The following NCOA2 variants were observed in gnomAD, a reference collection of about 807,000 sequenced individuals.
NCOA2 encodes nuclear receptor coactivator 2.
A neutral mutation model predicts 145.1 loss-of-function variants in NCOA2; 21 were observed. That is an observed-to-expected ratio of 0.14 (90% CI 0.10 to 0.21). The LOEUF (loss-of-function observed/expected upper bound fraction) is 0.21, where lower values mean the gene tolerates loss of function less well. Among genes scored for constraint, NCOA2 ranks in the 10% least tolerant of loss-of-function variants. The pLI is 1.00. For missense variants in NCOA2, 1,472 were observed against 1,837.6 expected (o/e 0.80, Z 3.64); for synonymous variants, 619 against 637.5 (o/e 0.97, Z 0.44).
At chr8:70,226,679 T>TAA (rs35596105) in intron 2 of NCOA2, among the ~76,000 whole-genome samples, 48 of 137,934 alleles carry the variant, frequency 3.5e-4, no homozygotes, top group South Asian at 4.5e-4. Context: ...TATATATATA[T>TAA]AAAACTATAC....
intron 1 of NCOA2, among the ~76,000 whole-genome samples, chr8:70,336,378 T>C (rs571315516): frequency 6.6e-6 from 1 of 152,348 alleles, no homozygotes; most frequent in Non-Finnish European, 1.5e-5. Context: ...TCCACCCATA[T>C]TGTAACATGT....
chr8:70,254,747 T>A (rs1038083313), intron 2 of NCOA2, among the ~76,000 whole-genome samples: 1 of 152,070 alleles, frequency 6.6e-6, no homozygotes, highest in Non-Finnish European at 1.5e-5. Flanking sequence ...GTAGAGTGTT[T>A]AACGGGTAAA....
At chr8:70,247,028 T>C (rs1822690728) in intron 2 of NCOA2, among the ~76,000 whole-genome samples, 1 of 152,122 alleles carries the variant, frequency 6.6e-6, no homozygotes, top group African/African-American at 2.4e-5. Flanking sequence ...TTCTCTAAGT[T>C]CTCAGAACTC....
intron 1 of NCOA2, among the ~76,000 whole-genome samples, chr8:70,391,231 G>T (rs777981431): frequency 1.2e-4 from 18 of 152,128 alleles, no homozygotes; most frequent in Non-Finnish European, 2.6e-4. Flanking sequence ...GGAAATTTTC[G>T]TCTCCATAAT....
At chr8:70,270,579 G>C (rs1023452741) in intron 2 of NCOA2, among the ~76,000 whole-genome samples, 1 of 151,980 alleles carries the variant, frequency 6.6e-6, no homozygotes, top group Admixed American at 6.5e-5. Context: ...GGGGTGGGGG[G>C]ATAGCAGGTA....
At chr8:70,230,271 G>A (rs893380714) in intron 2 of NCOA2, among the ~76,000 whole-genome samples, 8 of 152,168 alleles carry the variant, frequency 5.3e-5, no homozygotes, top group Non-Finnish European at 1.0e-4. Context: ...TCCAAAATAA[G>A]CAGATCCGTA....
chr8:70,306,143 T>C (rs555271918), intron 1 of NCOA2, among the ~76,000 whole-genome samples: 1 of 152,158 alleles, frequency 6.6e-6, no homozygotes, highest in Admixed American at 6.6e-5. Flanking sequence ...CTGGATCCTA[T>C]GGCAACAGTA....
intron 2 of NCOA2, among the ~76,000 whole-genome samples, chr8:70,265,535 T>C (rs1824496541): frequency 6.6e-6 from 1 of 152,238 alleles, no homozygotes. Context: ...AACACACTAA[T>C]AAGACACTAG....
chr8:70,382,056 G>A (rs1046800644), intron 1 of NCOA2, among the ~76,000 whole-genome samples: 3 of 152,170 alleles, frequency 2.0e-5, no homozygotes, highest in Non-Finnish European at 1.5e-5. Flanking sequence ...CACTATCCCA[G>A]GCTGCTGCTG....
chr8:70,225,031 G>A (rs930960218), intron 2 of NCOA2, among the ~76,000 whole-genome samples: 19 of 151,984 alleles, frequency 1.3e-4, no homozygotes, highest in African/African-American at 4.4e-4. Flanking sequence ...CTCAGACAGC[G>A]GCAGCAAGAG....
chr8:70,406,824 T>C (rs1814789732), upstream of NCOA2, among the ~76,000 whole-genome samples: 1 of 151,706 alleles, frequency 6.6e-6, no homozygotes, highest in Non-Finnish European at 1.5e-5. Flanking sequence ...TCTATACTAT[T>C]TTTGAGTTAA....
intron 2 of NCOA2, among the ~76,000 whole-genome samples, chr8:70,280,212 G>A (rs1463922597): frequency 3.3e-5 from 5 of 152,180 alleles, no homozygotes; most frequent in Non-Finnish European, 7.3e-5. Flanking sequence ...TCAGAGCTGA[G>A]TTTCTACCAT....
At chr8:70,291,555 CA>C (rs1251063380) in intron 2 of NCOA2, among the ~76,000 whole-genome samples, 1 of 152,054 alleles carries the variant, frequency 6.6e-6, no homozygotes, top group Non-Finnish European at 1.5e-5. Flanking sequence ...ACATGATTTC[CA>C]ACATCATTCT....
intron 1 of NCOA2, among the ~76,000 whole-genome samples, chr8:70,375,575 A>C (rs1247679474): frequency 6.6e-6 from 1 of 152,200 alleles, no homozygotes; most frequent in African/African-American, 2.4e-5. Flanking sequence ...TTGTAATAAA[A>C]TTGTTAAATA....
chr8:70,197,030 G>C (rs1004529179), intron 4 of NCOA2, among the ~76,000 whole-genome samples: 1 of 152,172 alleles, frequency 6.6e-6, no homozygotes. Context: ...TGCAGTAGGC[G>C]TCTAAATGGG....
intron 3 of NCOA2, among the ~76,000 whole-genome samples, chr8:70,215,129 A>T (rs560608314): frequency 6.6e-6 from 1 of 152,172 alleles, no homozygotes; most frequent in East Asian, 1.9e-4. Flanking sequence ...TTTTTTTCTA[A>T]GTCTCATTTT....
At chr8:70,155,532 T>C (rs1244619307) in intron 11 of NCOA2, among the ~76,000 whole-genome samples, 1 of 152,238 alleles carries the variant, frequency 6.6e-6, no homozygotes, top group South Asian at 2.1e-4. Flanking sequence ...AGAATGAATT[T>C]ACATTTTTTT....
rs78483543 is a variant in NCOA2 at position 70,203,396 on chromosome 8, T to C, written c.259+10507A>G. On this transcript the variant is annotated intron_variant, in intron 4 of 22. Coordinates refer to ENST00000452400, the MANE Select transcript of NCOA2 (RefSeq NM_006540.4). ...AGTTCCCTCTCCCTTCTTCTACCAG[T>C]ACAACAGATTTTTAAAATAGGATCG... Among the ~76,000 whole-genome samples, 516 of 152,162 alleles carry C rather than the reference T, an allele frequency of 3.4e-3. 5 individuals carry two copies. Among genetic ancestry groups the C allele is most frequent in the African/African-American group, 0.012 (501 of 41,508 alleles).
chr8:70,230,399 T>C (rs1332091706), intron 2 of NCOA2, among the ~76,000 whole-genome samples: 1 of 152,166 alleles, frequency 6.6e-6, no homozygotes, highest in Non-Finnish European at 1.5e-5. Flanking sequence ...TAGATCATGG[T>C]GATGGCTGCA....
Sources: allele counts gnomAD v4.1 joint callset (sites outside exome capture counted in the v4.1 genomes callset), GRCh38; gene constraint gnomAD v4.1.1; transcripts MANE v1.5; gene names NCBI Gene and HGNC (gene_info 2026-07-23, HGNC 2026-07-21).